Variants in SHISA9 observed in about 807,000 individuals in gnomAD.
SHISA9 encodes protein shisa-9.
SHISA9 carries 13 observed loss-of-function variants against 38.0 expected under a neutral mutation model. That is an observed-to-expected ratio of 0.34 (90% CI 0.22 to 0.54). The LOEUF (loss-of-function observed/expected upper bound fraction) is 0.54, where lower values mean the gene tolerates loss of function less well. Among genes scored for constraint, SHISA9 ranks in the 20% least tolerant of loss-of-function variants. SHISA9 has a pLI of 0.91. For missense variants in SHISA9, 538 were observed against 575.8 expected (o/e 0.93, Z 0.67); for synonymous variants, 275 against 242.0 (o/e 1.14, Z -1.27).
intron 2 of SHISA9, among the ~76,000 whole-genome samples, chr16:13,118,858 T>C (rs1002855754): frequency 1.3e-5 from 2 of 151,506 alleles, no homozygotes; most frequent in South Asian, 4.2e-4. Context: ...GCCTCCAGAG[T>C]AGCTGGGATT....
chr16:12,921,487 G>A lies in SHISA9; in HGVS notation c.691+4672G>A, dbSNP rs552596038. Among the ~76,000 whole-genome samples the A allele has an allele frequency of 6.6e-5, 10 of 152,292 alleles. No homozygotes were observed. The South Asian group carries it at 1.4e-3, about 22-fold the overall frequency. On this transcript the variant is annotated intron_variant, in intron 2 of 4. Transcript: ENST00000558583. ...AGTATTTTAACATATTTGGGAGATT[G>A]AGCATGGCTCAGACCTGTAGTCTCA...
chr16:13,526,046 C>A, the SHISA9 span, among the ~76,000 whole-genome samples: 1 of 152,212 alleles, frequency 6.6e-6, no homozygotes, highest in Non-Finnish European at 1.5e-5. Flanking sequence ...ACCTGTTATC[C>A]TATCACTTTT....
intron 2 of SHISA9, among the ~76,000 whole-genome samples, chr16:13,017,943 C>T (rs1313342518): frequency 6.6e-6 from 1 of 152,228 alleles, no homozygotes; most frequent in Non-Finnish European, 1.5e-5. Flanking sequence ...AATCCCCTCC[C>T]ACCTGTATTC....
chr16:12,974,550 A>G (rs551877492), intron 2 of SHISA9, among the ~76,000 whole-genome samples: 23 of 127,716 alleles, frequency 1.8e-4, no homozygotes, highest in Middle Eastern at 5.4e-3. Context: ...AAGTGGTGCA[A>G]TCTTGGCTCA....
At chr16:13,464,257 T>C in the SHISA9 span, among the ~76,000 whole-genome samples, 3 of 152,344 alleles carry the variant, frequency 2.0e-5, no homozygotes, top group African/African-American at 7.2e-5. Flanking sequence ...TCACCTCATC[T>C]GCAGGGAGAT....
chr16:13,012,579 C>T (rs977248362), intron 2 of SHISA9, among the ~76,000 whole-genome samples: 4 of 152,120 alleles, frequency 2.6e-5, no homozygotes, highest in Admixed American at 6.5e-5. Context: ...TTCTGGTACC[C>T]TGGTACTAAA....
the SHISA9 span, among the ~76,000 whole-genome samples, chr16:13,526,278 T>C: frequency 6.6e-6 from 1 of 152,344 alleles, no homozygotes; most frequent in East Asian, 1.9e-4. Flanking sequence ...CCCAGAGCTT[T>C]GTCAATGTTG....
At chr16:13,340,977 C>CATTGCACT in the SHISA9 span, among the ~76,000 whole-genome samples, 2 of 152,182 alleles carry the variant, frequency 1.3e-5, no homozygotes, top group African/African-American at 4.8e-5. Context: ...TGTGGGTTTT[C>CATTGCACT]ATTGCACTGT....
At chr16:13,216,561 C>T (rs1012403563) in intron 4 of SHISA9, among the ~76,000 whole-genome samples, 1 of 152,212 alleles carries the variant, frequency 6.6e-6, no homozygotes, top group Non-Finnish European at 1.5e-5. Context: ...GACATCTGAT[C>T]TCTTTGCTCT....
At chr16:13,265,457 C>T in the SHISA9 span, among the ~76,000 whole-genome samples, 8 of 128,380 alleles carry the variant, frequency 6.2e-5, no homozygotes, top group Non-Finnish European at 1.3e-4. Context: ...TCTCTCCCTT[C>T]CCTTCTCTTT....
rs1184969902 is a variant in SHISA9, at chr16:12,909,634, G to A, written c.563+7007G>A. On this transcript the variant is annotated intron_variant, in intron 1 of 4. Coordinates refer to ENST00000558583, the MANE Select transcript of SHISA9 (RefSeq NM_001145204.3). ...TGGCTGGTCCCTCCTCATCACCAGG[G>A]TCCCAGCTCCAATGTCATCTTCTCT... 4 of 983,396 alleles carry A rather than the reference G, an allele frequency of 4.1e-6. No homozygotes were observed. The Admixed American group carries it at 1.8e-4, about 45-fold the overall frequency. The allele number at this position is 983,396 out of a possible 1,614,324, so 60.9% of individuals were successfully genotyped here. A position where few individuals can be genotyped will look rare whatever the true frequency, so the allele number is the denominator to read the frequency against.
At chr16:12,932,198 T>C (rs752630730) in intron 2 of SHISA9, among the ~76,000 whole-genome samples, 8 of 152,340 alleles carry the variant, frequency 5.3e-5, no homozygotes, top group Admixed American at 4.6e-4. Flanking sequence ...GTCTCAGGTA[T>C]GTCTTTATTA....
At chr16:13,304,266 A>G in the SHISA9 span, among the ~76,000 whole-genome samples, 5 of 152,074 alleles carry the variant, frequency 3.3e-5, no homozygotes, top group African/African-American at 1.2e-4. Context: ...GTTGCCTTTT[A>G]TTTTATTTTT....
At chr16:13,040,382 T>G (rs908875448) in intron 2 of SHISA9, among the ~76,000 whole-genome samples, 1 of 152,232 alleles carries the variant, frequency 6.6e-6, no homozygotes, top group African/African-American at 2.4e-5. Flanking sequence ...TGTTATGCCC[T>G]CTGATGTTTG....
At chr16:13,483,599 C>A in the SHISA9 span, among the ~76,000 whole-genome samples, 39,221 of 151,736 alleles carry the variant, frequency 0.26, 5,280 homozygotes, top group African/African-American at 0.32. Context: ...AACAGAAGCT[C>A]GCTGACTTTC....
the SHISA9 span, among the ~76,000 whole-genome samples, chr16:13,347,084 A>G: frequency 6.6e-6 from 1 of 152,160 alleles, no homozygotes; most frequent in African/African-American, 2.4e-5. Flanking sequence ...TATTGTGCTT[A>G]TGTAGTTTCT....
intron 2 of SHISA9, among the ~76,000 whole-genome samples, chr16:13,144,189 TGTCATCAG>T (rs576097589): frequency 1.6e-4 from 24 of 151,272 alleles, no homozygotes; most frequent in Non-Finnish European, 3.1e-4. Flanking sequence ...AGTCTCGCTC[TGTCATCAG>T]GCTGGAGTGC....
the SHISA9 span, among the ~76,000 whole-genome samples, chr16:13,527,771 A>G: frequency 2.0e-5 from 3 of 152,168 alleles, no homozygotes; most frequent in African/African-American, 7.2e-5. Flanking sequence ...TTGCTTAAAC[A>G]AGCCTGAGCG....
At chr16:13,327,575 T>C in the SHISA9 span, among the ~76,000 whole-genome samples, 106,183 of 151,736 alleles carry the variant, frequency 0.7, 37,832 homozygotes, top group African/African-American at 0.82. Flanking sequence ...GAGATCGAGC[T>C]GCTGCACTCC....
Sources: allele counts gnomAD v4.1 joint callset (sites outside exome capture counted in the v4.1 genomes callset), GRCh38; gene constraint gnomAD v4.1.1; transcripts MANE v1.5; gene names NCBI Gene and HGNC (gene_info 2026-07-23, HGNC 2026-07-21).